The following TLL1 variants were observed in gnomAD, a reference collection of about 807,000 sequenced individuals.
TLL1 encodes the protein tolloid-like protein 1.
In TLL1, 49 loss-of-function variants were observed where a neutral mutation model predicts 128.2. That is an observed-to-expected ratio of 0.38 (90% CI 0.30 to 0.48). TLL1 has a LOEUF of 0.48. TLL1 is among the 20% of genes least tolerant of loss of function. The pLI is 0.96. For missense variants in TLL1, 1,123 were observed against 1,242.0 expected (o/e 0.90, Z 1.44); for synonymous variants, 454 against 418.8 (o/e 1.08, Z -1.03).
chr4:165,943,323 C>A (rs1211612694), intron 1 of TLL1, among the ~76,000 whole-genome samples: 1 of 152,130 alleles, frequency 6.6e-6, no homozygotes, highest in Middle Eastern at 3.4e-3. Context: ...AAACTCTCTT[C>A]ATTATTTGTA....
intron 1 of TLL1, among the ~76,000 whole-genome samples, chr4:165,975,284 T>TA (rs1735822196): frequency 6.6e-6 from 1 of 151,974 alleles, no homozygotes. Flanking sequence ...AAGCATCCTC[T>TA]AAAAAACACC....
chr4:166,074,178 C>T (rs1740913671), intron 16 of TLL1, among the ~76,000 whole-genome samples: 1 of 151,986 alleles, frequency 6.6e-6, no homozygotes, highest in South Asian at 2.1e-4. Context: ...ACTTCTAGCA[C>T]ACTAAAAGCC....
intron 1 of TLL1, among the ~76,000 whole-genome samples, chr4:165,983,215 T>C (rs938425963): frequency 4.6e-5 from 7 of 151,976 alleles, no homozygotes; most frequent in Non-Finnish European, 1.0e-4. Context: ...GATGATATTT[T>C]AAAAATGTCC....
At chr4:166,013,292 T>C (rs1477532368) in intron 7 of TLL1, among the ~76,000 whole-genome samples, 1 of 151,874 alleles carries the variant, frequency 6.6e-6, no homozygotes, top group Non-Finnish European at 1.5e-5. Context: ...GTCTCTTTCC[T>C]CATATTTGAA....
At chr4:165,974,350 CGGGA>C in intron 1 of TLL1, among the ~76,000 whole-genome samples, 2 of 130,266 alleles carry the variant, frequency 1.5e-5, no homozygotes, top group African/African-American at 9.1e-5. Context: ...CCGTTTTAGC[CGGGA>C]TGGCCTCGAT....
chr4:166,098,334 C>CA (rs3047106), intron 19 of TLL1, among the ~76,000 whole-genome samples: 34,015 of 109,546 alleles, frequency 0.31, 5,869 homozygotes, highest in East Asian at 0.56. Flanking sequence ...GAGTTCTTCT[C>CA]AAAAAAAAAA....
chr4:166,018,740 CA>C (rs1738067953), intron 8 of TLL1, among the ~76,000 whole-genome samples: 1 of 151,104 alleles, frequency 6.6e-6, no homozygotes, highest in Admixed American at 6.6e-5. Flanking sequence ...AATGCAAATC[CA>C]AACTACAATG....
intron 1 of TLL1, among the ~76,000 whole-genome samples, chr4:165,919,657 T>C (rs1460554109): frequency 6.6e-6 from 1 of 152,230 alleles, no homozygotes; most frequent in East Asian, 1.9e-4. Flanking sequence ...TCACTTATGA[T>C]ACATTCTTTG....
chr4:165,998,365 A>C (rs1338138556), intron 5 of TLL1, among the ~76,000 whole-genome samples: 1 of 152,052 alleles, frequency 6.6e-6, no homozygotes, highest in Non-Finnish European at 1.5e-5. Flanking sequence ...TACTTTTTTT[A>C]ATCTACTTAT....
intron 1 of TLL1, among the ~76,000 whole-genome samples, chr4:165,962,097 C>G (rs1213315394): frequency 2.0e-5 from 3 of 152,088 alleles, no homozygotes; most frequent in Non-Finnish European, 4.4e-5. Flanking sequence ...AATTGAAGAG[C>G]TTCTGAACAA....
At position 166,007,953 on chromosome 4, in the gene TLL1, C is replaced by A; in HGVS notation, c.822C>A (p.Tyr274Ter). Residue 274 changes from tyrosine to a stop codon, truncating the protein, a stop_gained, in exon 7 of 21, where the codon TAC becomes TAA. Transcript: ENST00000061240. LOFTEE classifies it high-confidence loss of function. ...ATCCCTGGTTCTTAGGTCAAGAGTA[C>A]AATTTTCTGAAGATGGAGCCTGGAG... ...IRENIQPGQE[Y>*]NFLKMEPGEV... 1 of 1,608,276 alleles carries A rather than the reference C, an allele frequency of 6.2e-7. No individual in the cohort carries two copies. Among genetic ancestry groups the A allele is most frequent in the Non-Finnish European group, 8.5e-7 (1 of 1,175,542 alleles).
rs1740072476 is a variant in TLL1, at chr4:166,057,386, C to T, written c.1846+77C>T. The stretch of plus-strand genomic sequence containing the variant: ...TATATTCTCATTCTCTGTCTGTCTT[C>T]CTCTTTCTTTCCCTTTTTCCTATAG... On this transcript the variant is annotated intron_variant, in intron 14 of 20. Transcript: ENST00000061240. 6 of 1,543,190 alleles carry T rather than the reference C, an allele frequency of 3.9e-6. No individual in the cohort carries two copies. The African/African-American group carries it at 1.1e-4, about 28-fold the overall frequency.
intron 1 of TLL1, among the ~76,000 whole-genome samples, chr4:165,923,522 G>A (rs1462441863): frequency 1.5e-5 from 2 of 137,432 alleles, no homozygotes; most frequent in African/African-American, 5.5e-5. Flanking sequence ...TCCGCCTCCC[G>A]GGTTCACGCC....
At chr4:165,897,440 A>G (rs1049193785) in intron 1 of TLL1, among the ~76,000 whole-genome samples, 1 of 152,186 alleles carries the variant, frequency 6.6e-6, no homozygotes, top group Admixed American at 6.5e-5. Flanking sequence ...AGTTTTCTGC[A>G]TATAGCTAGC....
intron 1 of TLL1, among the ~76,000 whole-genome samples, chr4:165,943,719 T>G (rs1399361692): frequency 2.0e-5 from 3 of 152,080 alleles, no homozygotes; most frequent in Admixed American, 2.0e-4. Flanking sequence ...TGAAAAAAAA[T>G]GCATCTACTA....
At chr4:166,031,205 T>G (rs765893689) in intron 9 of TLL1, among the ~76,000 whole-genome samples, 4 of 152,082 alleles carry the variant, frequency 2.6e-5, no homozygotes, top group Non-Finnish European at 4.4e-5. Flanking sequence ...TATTTATTTT[T>G]TAAACAAGTA....
chr4:166,073,678 CAT>C (rs566116713), intron 16 of TLL1, among the ~76,000 whole-genome samples: 8 of 152,140 alleles, frequency 5.3e-5, no homozygotes, highest in East Asian at 1.9e-4. Context: ...CCTGTAAGCA[CAT>C]GTGTCATGTA....
intron 12 of TLL1, among the ~76,000 whole-genome samples, chr4:166,051,764 T>C (rs1016510167): frequency 1.3e-5 from 2 of 152,184 alleles, no homozygotes; most frequent in African/African-American, 4.8e-5. Context: ...TTTCCAAATA[T>C]CATAAATTCA....
chr4:166,023,534 G>A (rs566277282), intron 8 of TLL1, among the ~76,000 whole-genome samples: 1 of 152,224 alleles, frequency 6.6e-6, no homozygotes, highest in African/African-American at 2.4e-5. Flanking sequence ...AAATAATAAA[G>A]TTTGACTTTT....
Sources: gnomAD v4.1 joint callset for allele counts (sites outside exome capture counted in the v4.1 genomes callset) on GRCh38, gnomAD v4.1.1 for gene constraint, MANE v1.5 for transcripts, NCBI Gene and HGNC (gene_info 2026-07-23, HGNC 2026-07-21) for gene names.